Variants in SLC25A26 observed in about 807,000 individuals in gnomAD.
The protein encoded by SLC25A26 is mitochondrial S-adenosylmethionine carrier protein.
SLC25A26 carries 36 observed loss-of-function variants against 37.8 expected under a neutral mutation model. The observed-to-expected ratio is 0.95, with a 90% CI of 0.73 to 1.26. SLC25A26 has a LOEUF of 1.26. SLC25A26 is among the 50% of genes most tolerant of loss of function. The pLI, the probability that SLC25A26 is intolerant of heterozygous loss-of-function variation, is 0.00. For synonymous variants in SLC25A26, 129 were observed against 122.5 expected (o/e 1.05, Z -0.35); for missense variants, 390 against 331.1 (o/e 1.18, Z -1.38).
intron 5 of SLC25A26, among the ~76,000 whole-genome samples, chr3:66,271,942 G>A (rs922797909): frequency 4.0e-5 from 6 of 151,454 alleles, no homozygotes; most frequent in African/African-American, 1.5e-4. Context: ...ATTATTTGGT[G>A]GTCTCACTGA....
chr3:66,329,621 A>C (rs1366968105), intron 5 of SLC25A26, among the ~76,000 whole-genome samples: 6 of 152,216 alleles, frequency 3.9e-5, no homozygotes, highest in Admixed American at 1.3e-4. Context: ...TATTTATTAC[A>C]TTTTTAAATG....
At chr3:66,340,564 C>G (rs1472149866) in intron 5 of SLC25A26, among the ~76,000 whole-genome samples, 1 of 151,978 alleles carries the variant, frequency 6.6e-6, no homozygotes, top group African/African-American at 2.4e-5. Flanking sequence ...GGTCTGTGAT[C>G]CAGCTCTCAT....
At chr3:66,263,683 C>T (rs561237946) in intron 5 of SLC25A26, among the ~76,000 whole-genome samples, 3 of 151,806 alleles carry the variant, frequency 2.0e-5, no homozygotes, top group Non-Finnish European at 4.4e-5. Context: ...TTTTGAAATG[C>T]AGTCTCGCTC....
At chr3:66,330,770 T>C (rs997801783) in intron 5 of SLC25A26, among the ~76,000 whole-genome samples, 2 of 152,122 alleles carry the variant, frequency 1.3e-5, no homozygotes, top group African/African-American at 4.8e-5. Flanking sequence ...TGTCTATAAA[T>C]TTTTTAAGTA....
intron 6 of SLC25A26, among the ~76,000 whole-genome samples, chr3:66,356,318 TG>T (rs1188502731): frequency 6.6e-6 from 1 of 152,042 alleles, no homozygotes; most frequent in Non-Finnish European, 1.5e-5. Flanking sequence ...TATCTTGGGG[TG>T]GGGGTCGGGG....
intron 1 of SLC25A26, among the ~76,000 whole-genome samples, chr3:66,204,434 AAAAAAGAAAAAAAG>A (rs1312707672): frequency 1.1e-5 from 1 of 92,712 alleles, no homozygotes; most frequent in African/African-American, 6.3e-5. Flanking sequence ...TCAAAAAAAA[AAAAAAGAAAAAAAG>A]AAAAAAGAAA....
In SLC25A26 at chr3:66,262,107, T is replaced by G. The variant is rs2073552875; in HGVS notation, c.357T>G (p.Ser119=). ...SEVVKQRAQV[S]ASTRTFQIFS... ...TGGTTAAGCAGAGGGCACAGGTATCTGCTTCTACAAGAACATTTCAGATTT... is the reference window on the plus strand; with the variant it reads ...TGGTTAAGCAGAGGGCACAGGTATCGGCTTCTACAAGAACATTTCAGATTT... The change falls in exon 4 of 10, where the codon TCT becomes TCG. Residue 119 remains serine, a synonymous_variant. Coordinates refer to ENST00000354883, the MANE Select transcript of SLC25A26 (RefSeq NM_001379210.1). The G allele has an allele frequency of 3.2e-6, 5 of 1,587,092 alleles. No homozygotes were observed. In the South Asian group the frequency reaches 4.7e-5, roughly 15 times the overall value.
At chr3:66,309,087 T>TC (rs1409654207) in intron 5 of SLC25A26, among the ~76,000 whole-genome samples, 5 of 152,194 alleles carry the variant, frequency 3.3e-5, no homozygotes, top group Non-Finnish European at 7.3e-5. Context: ...TTTCTGTTGT[T>TC]TGGAATAGTT....
intron 9 of SLC25A26, among the ~76,000 whole-genome samples, chr3:66,377,057 GA>G (rs564325415): frequency 7.0e-4 from 106 of 152,248 alleles, no homozygotes; most frequent in African/African-American, 2.4e-3. Context: ...TAGGTATGGG[GA>G]GGGGGGGCAG....
chr3:66,298,019 C>T (rs747383437), intron 5 of SLC25A26, among the ~76,000 whole-genome samples: 6 of 152,000 alleles, frequency 3.9e-5, no homozygotes, highest in Non-Finnish European at 7.4e-5. Context: ...AAGTACAGTC[C>T]CTCCACGAAT....
chr3:66,188,854 C>T (rs982235013), intron 1 of SLC25A26, among the ~76,000 whole-genome samples: 10,599 of 151,800 alleles, frequency 0.07, 574 homozygotes, highest in African/African-American at 0.16. Flanking sequence ...AGACCCTGTT[C>T]GTCACGCTGA....
At chr3:66,169,829 A>G (rs1266820780) in intron 1 of SLC25A26, among the ~76,000 whole-genome samples, 1 of 152,234 alleles carries the variant, frequency 6.6e-6, no homozygotes, top group Non-Finnish European at 1.5e-5. Flanking sequence ...AAACTATTTT[A>G]GAGTCACTAA....
chr3:66,364,185 A>G (rs1243933738), intron 7 of SLC25A26, among the ~76,000 whole-genome samples: 1 of 151,820 alleles, frequency 6.6e-6, no homozygotes, highest in Admixed American at 6.6e-5. Context: ...TTGAATACCC[A>G]ATTCAAAGAT....
At chr3:66,315,888 A>G (rs1175410007) in intron 5 of SLC25A26, among the ~76,000 whole-genome samples, 1 of 151,826 alleles carries the variant, frequency 6.6e-6, no homozygotes, top group African/African-American at 2.4e-5. Context: ...GTCTTTTTTA[A>G]TGTTTGTTGG....
intron 1 of SLC25A26, among the ~76,000 whole-genome samples, chr3:66,185,889 C>T (rs1238424382): frequency 6.6e-6 from 1 of 152,090 alleles, no homozygotes; most frequent in African/African-American, 2.4e-5. Context: ...CAGACCTTTA[C>T]CATGAATCAG....
chr3:66,376,586 A>G (rs1160269319), intron 9 of SLC25A26, among the ~76,000 whole-genome samples: 2 of 152,232 alleles, frequency 1.3e-5, no homozygotes, highest in African/African-American at 2.4e-5. Context: ...ATTTTTAGAC[A>G]TAATTGCTAC....
chr3:66,295,518 C>A (rs746697865), intron 5 of SLC25A26, among the ~76,000 whole-genome samples: 2 of 151,620 alleles, frequency 1.3e-5, no homozygotes, highest in Non-Finnish European at 2.9e-5. Context: ...TCTTCTGCCT[C>A]AGCCTCCTGA....
intron 1 of SLC25A26, among the ~76,000 whole-genome samples, chr3:66,199,031 C>T (rs2106809078): frequency 6.6e-6 from 1 of 151,934 alleles, no homozygotes; most frequent in African/African-American, 2.4e-5. Flanking sequence ...TGAGCCTGAC[C>T]CTTACTCTGA....
intron 5 of SLC25A26, among the ~76,000 whole-genome samples, chr3:66,306,210 G>A (rs907454068): frequency 6.6e-6 from 1 of 152,206 alleles, no homozygotes; most frequent in Non-Finnish European, 1.5e-5. Flanking sequence ...TCAAACTCCT[G>A]ACCTCGTGAT....
Sources: allele counts gnomAD v4.1 joint callset (sites outside exome capture counted in the v4.1 genomes callset), GRCh38; gene constraint gnomAD v4.1.1; transcripts MANE v1.5; gene names NCBI Gene and HGNC (gene_info 2026-07-23, HGNC 2026-07-21).